SLK: variants seen among roughly 807,000 people sequenced by gnomAD.
SLK encodes STE20-like serine/threonine-protein kinase.
A neutral mutation model predicts 147.7 loss-of-function variants in SLK; 67 were observed. That is an observed-to-expected ratio of 0.45 (90% confidence interval 0.37 to 0.56). The LOEUF (loss-of-function observed/expected upper bound fraction) is 0.56, where lower values mean the gene tolerates loss of function less well. Among genes scored for constraint, SLK ranks in the 20% least tolerant of loss-of-function variants. The probability of loss-of-function intolerance (pLI) is 0.00; values close to 1 mark genes in which losing one functional copy is unlikely to be tolerated. For synonymous variants in SLK, 441 were observed against 475.0 expected (o/e 0.93, Z 0.93); for missense variants, 1,136 against 1,438.8 (o/e 0.79, Z 3.41).
chr10:103,987,908 C>T (rs1179627849), intron 1 of SLK, among the ~76,000 whole-genome samples: 4 of 152,076 alleles, frequency 2.6e-5, no homozygotes, highest in African/African-American at 7.2e-5. Flanking sequence ...ACCCTCTTAG[C>T]GTCCCTGCTG....
intron 18 of SLK, among the ~76,000 whole-genome samples, chr10:104,024,551 C>G (rs1354419980): frequency 6.6e-6 from 1 of 152,206 alleles, no homozygotes; most frequent in Non-Finnish European, 1.5e-5. Context: ...TGCCTTTGTG[C>G]TGTGTTTCGG....
chr10:103,999,650 GTC>G (rs1844219233), intron 6 of SLK, among the ~76,000 whole-genome samples: 1 of 152,120 alleles, frequency 6.6e-6, no homozygotes, highest in Non-Finnish European at 1.5e-5. Context: ...GTATATGGCT[GTC>G]TCAGTGATTA....
In SLK at chr10:103,999,875, A is replaced by G. The variant is rs1844222842; in HGVS notation, c.791A>G (p.Asn264Ser). The G allele has an allele frequency of 6.8e-7, 1 of 1,466,400 alleles. No homozygotes were observed. Among genetic ancestry groups the G allele is most frequent in the Admixed American group, 1.8e-5 (1 of 54,484 alleles). The allele number at this position is 1,466,400 out of a possible 1,614,324, so 90.8% of individuals were successfully genotyped here. ...TAAAATTTATTTTAAAGGTCTTCAA[A>G]TTTTAAGGACTTTCTAAAGAAATGC... ...TLAQPSRWSSNFKDFLKKCLE... is the reference protein window; with the variant it reads ...TLAQPSRWSSSFKDFLKKCLE... The change falls in exon 7 of 19, where the codon AAT becomes AGT. Residue 264 changes from asparagine (N) to serine (S), a missense_variant. Around this residue, in one of 6 missense-constraint regions of SLK, gnomAD observed 141 missense variants for 219.3 expected, o/e 0.64. Transcript: ENST00000369755.
Position 104,020,619 on chromosome 10 carries a change from A to T in SLK, c.3447+6A>T, listed in dbSNP as rs750174815. 6.2e-7 allele frequency: 1 copy of T among 1,609,354 alleles called. No individual in the cohort carries two copies. The highest frequency in any genetic ancestry group is 1.3e-5 in the African/African-American group (1 of 74,624). On this transcript the variant is annotated splice_donor_region_variant and intron_variant, in intron 17 of 18. Transcript: ENST00000369755. ...GCGAACTGCATCAGCTGCAGGTCAG[A>T]TACAGAAGCCTGACAGCAAAGCCCA...
At chr10:103,978,292 TTTC>T (rs1291632303) in intron 1 of SLK, among the ~76,000 whole-genome samples, 1 of 152,172 alleles carries the variant, frequency 6.6e-6, no homozygotes, top group African/African-American at 2.4e-5. Flanking sequence ...TATTCCCATG[TTTC>T]TTATTTGTAA....
intron 8 of SLK, 95 bp from the exon 9 acceptor site, chr10:104,002,077 G>C: frequency 1.1e-6 from 1 of 938,598 alleles, no homozygotes; most frequent in Non-Finnish European, 1.6e-6. Flanking sequence ...AACATTTACT[G>C]AATAAAGATC....
At chr10:104,007,768 C>CAAATAAATAAATAAATAAATAAAT (rs58270517) in intron 11 of SLK, among the ~76,000 whole-genome samples, 29 of 147,404 alleles carry the variant, frequency 2.0e-4, no homozygotes, top group African/African-American at 7.4e-4. Context: ...CCTATCTCTC[C>CAAATAAATAAATAAATAAATAAAT]AAATAAATAA....
chr10:103,982,693 C>G (rs540321366), intron 1 of SLK, among the ~76,000 whole-genome samples: 3 of 152,148 alleles, frequency 2.0e-5, no homozygotes, highest in Non-Finnish European at 4.4e-5. Context: ...TCTATACTTG[C>G]GGCACTTACT....
chr10:103,979,010 T>TTTTA (rs1843906575), intron 1 of SLK, among the ~76,000 whole-genome samples: 1 of 83,346 alleles, frequency 1.2e-5, no homozygotes, highest in South Asian at 4.0e-4. Flanking sequence ...GATATTTTAT[T>TTTTA]AATTTTAATT....
intron 1 of SLK, among the ~76,000 whole-genome samples, chr10:103,977,563 A>G (rs1843887094): frequency 1.3e-5 from 2 of 152,240 alleles, no homozygotes; most frequent in African/African-American, 4.8e-5. Flanking sequence ...GTGAGCTGTG[A>G]TTGTGCCACT....
At chr10:104,008,496 C>T in intron 12 of SLK, 140 bp downstream of exon 12, 1 of 630,286 alleles carries the variant, frequency 1.6e-6, no homozygotes, top group Middle Eastern at 4.2e-4. Flanking sequence ...GTCTTCTCAA[C>T]AGTCATATAG....
In SLK at chr10:103,972,349, C is replaced by G. The variant is rs530280538; in HGVS notation, c.150+4454C>G. On this transcript the variant is annotated intron_variant, in intron 1 of 18. Coordinates refer to ENST00000369755, the MANE Select transcript of SLK (RefSeq NM_014720.4). ...ACCAGATGATGCCAAACTAATTATA[C>G]AAGTTTACATTCCCACCAGCAGTTG... 5.3e-5 allele frequency among the ~76,000 whole-genome samples: 8 copies of G among 152,228 alleles called. No homozygotes were observed. The East Asian group carries it at 1.2e-3, about 22-fold the overall frequency.
intron 4 of SLK, among the ~76,000 whole-genome samples, chr10:103,998,051 G>A (rs542702745): frequency 6.6e-6 from 1 of 152,034 alleles, no homozygotes; most frequent in Non-Finnish European, 1.5e-5. Flanking sequence ...CAGATATATA[G>A]AACAATCTTA....
At chr10:104,024,434 G>A (rs1399755395) in intron 18 of SLK, among the ~76,000 whole-genome samples, 1 of 152,132 alleles carries the variant, frequency 6.6e-6, no homozygotes, top group Non-Finnish European at 1.5e-5. Flanking sequence ...CCACACCTGA[G>A]TCACAGTCAC....
At chr10:103,981,149 T>C (rs1290102958) in intron 1 of SLK, among the ~76,000 whole-genome samples, 2 of 152,178 alleles carry the variant, frequency 1.3e-5, no homozygotes, top group South Asian at 2.1e-4. Flanking sequence ...CCTGTTCGGC[T>C]CCTTTGCCTA....
rs1471696317 is a variant in SLK at position 103,990,774 on chromosome 10, G to A, written c.250G>A (p.Ala84Thr). 4 of 1,567,000 alleles carry A rather than the reference G, an allele frequency of 2.6e-6. No individual in the cohort carries two copies. The highest frequency in any genetic ancestry group is 4.8e-5 in the East Asian group (2 of 41,674). Residue 84 changes from alanine (A) to threonine (T), a missense_variant, in exon 2 of 19, where the codon GCA becomes ACA. Physicochemically the swap from Ala to Thr is moderately conservative, Grantham distance 58. Coordinates refer to ENST00000369755, the MANE Select transcript of SLK (RefSeq NM_014720.4). ...EDYMVEIDILASCDHPNIVKL... is the reference protein window; with the variant it reads ...EDYMVEIDILTSCDHPNIVKL... Reference sequence around the variant, plus strand: ...TTACATGGTAGAGATTGACATATTAGCATCTTGTGATCACCCAAATATAGT... The same window carrying A: ...TTACATGGTAGAGATTGACATATTAACATCTTGTGATCACCCAAATATAGT...
At position 104,003,516 on chromosome 10, in the gene SLK, A is replaced by G. The variant is rs747421462; in HGVS notation, c.2338A>G (p.Ile780Val). ...AAGTAAAACTAAAGACAGTGGATCG[A>G]TATCTTTACAAGTAAGTGTACATGA... ...FLSKTKDSGSISLQETRRQKK... is the reference protein window; with the variant it reads ...FLSKTKDSGSVSLQETRRQKK... Residue 780 changes from isoleucine (I) to valine (V), a missense_variant, in exon 9 of 19, where the codon ATA becomes GTA. Transcript: ENST00000369755. 55 of 1,572,152 alleles carry G rather than the reference A, an allele frequency of 3.5e-5. No individual in the cohort carries two copies. The highest frequency in any genetic ancestry group is 4.6e-5 in the Non-Finnish European group (54 of 1,161,410).
At chr10:104,000,158 A>AT (rs1430578965) in intron 7 of SLK, among the ~76,000 whole-genome samples, 1 of 152,066 alleles carries the variant, frequency 6.6e-6, no homozygotes, top group African/African-American at 2.4e-5. Flanking sequence ...ATTCAGTTTA[A>AT]TTATGTTCTT....
intron 1 of SLK, among the ~76,000 whole-genome samples, chr10:103,983,478 A>C (rs921272148): frequency 6.6e-6 from 1 of 152,088 alleles, no homozygotes; most frequent in African/African-American, 2.4e-5. Flanking sequence ...ACGCCCTTCT[A>C]TGCTTTGTGA....
Sources: gnomAD v4.1 joint callset for allele counts (sites outside exome capture counted in the v4.1 genomes callset) on GRCh38, gnomAD v4.1.1 for gene constraint, gnomAD v4.1.1 regional missense constraint, MANE v1.5 for transcripts, NCBI Gene and HGNC (gene_info 2026-07-23, HGNC 2026-07-21) for gene names.